NSD1: variants seen among roughly 807,000 people sequenced by gnomAD.
NSD1 encodes histone-lysine N-methyltransferase, H3 lysine-36 specific.
In NSD1, 26 loss-of-function variants were observed where a neutral mutation model predicts 242.7. The observed-to-expected ratio is 0.11, with a 90% confidence interval of 0.08 to 0.15. NSD1 has a LOEUF of 0.15. NSD1 is among the 10% of genes least tolerant of loss of function. The pLI, the probability that NSD1 is intolerant of heterozygous loss-of-function variation, is 1.00. For missense variants in NSD1, 2,495 were observed against 3,272.8 expected (o/e 0.76, Z 5.80); for synonymous variants, 1,106 against 1,178.1 (o/e 0.94, Z 1.25).
chr5:177,174,914 C>T (rs1760060694), intron 2 of NSD1, among the ~76,000 whole-genome samples: 1 of 147,684 alleles, frequency 6.8e-6, no homozygotes, highest in Admixed American at 6.8e-5. Flanking sequence ...CTCTGTCACC[C>T]AGGCTGGAGT....
intron 3 of NSD1, among the ~76,000 whole-genome samples, chr5:177,192,417 A>T (rs1761767518): frequency 6.6e-6 from 1 of 150,546 alleles, no homozygotes; most frequent in African/African-American, 2.4e-5. Flanking sequence ...TTTATTTGAG[A>T]TGGAGTTTTG....
chr5:177,202,021 A>T (rs1247417732), intron 3 of NSD1, among the ~76,000 whole-genome samples: 1 of 151,998 alleles, frequency 6.6e-6, no homozygotes. Context: ...ACAAAAAATT[A>T]GTTGGGCGTG....
At chr5:177,266,341 G>A in intron 14 of NSD1, 1 of 710,736 alleles carries the variant, frequency 1.4e-6, no homozygotes, top group East Asian at 3.0e-5. Flanking sequence ...TGGAACACTC[G>A]ATGCCGATGA....
At chr5:177,178,855 G>C (rs1760424303) in intron 2 of NSD1, among the ~76,000 whole-genome samples, 3 of 152,176 alleles carry the variant, frequency 2.0e-5, no homozygotes, top group Non-Finnish European at 4.4e-5. Context: ...TAAGATTATT[G>C]CCTCTGCTGT....
At chr5:177,144,583 T>C (rs1757082526) in intron 2 of NSD1, among the ~76,000 whole-genome samples, 1 of 152,200 alleles carries the variant, frequency 6.6e-6, no homozygotes, top group South Asian at 2.1e-4. Context: ...TATTACATTG[T>C]TGCTTTTTGC....
rs746919161 is a variant in NSD1, at chr5:177,260,177, T to C, written c.5146+9T>C. On this transcript the variant is annotated intron_variant, in intron 14 of 22. Transcript: ENST00000439151. Reference sequence around the variant, plus strand: ...CTTTGTGTGCTCAGAAGGTAAGAAATCATTTCTTCCTCTATTTGTAGTCTA... The same window carrying C: ...CTTTGTGTGCTCAGAAGGTAAGAAACCATTTCTTCCTCTATTTGTAGTCTA... 1 of 1,613,232 alleles carries C rather than the reference T, an allele frequency of 6.2e-7. No homozygotes were observed. The highest frequency in any genetic ancestry group is 2.2e-5 in the East Asian group (1 of 44,896).
chr5:177,170,130 C>T (rs1350400664), intron 2 of NSD1, among the ~76,000 whole-genome samples: 4 of 151,552 alleles, frequency 2.6e-5, no homozygotes, highest in Admixed American at 1.3e-4. Flanking sequence ...CCACCACGCC[C>T]GGCTAATTTT....
intron 5 of NSD1, chr5:177,229,657 G>T: frequency 3.5e-6 from 1 of 284,056 alleles, no homozygotes; most frequent in South Asian, 2.7e-5. Context: ...TGCTGTAACT[G>T]GGAGAGAACA....
intron 12 of NSD1, among the ~76,000 whole-genome samples, chr5:177,253,369 G>A (rs1476694268): frequency 6.6e-6 from 1 of 152,106 alleles, no homozygotes; most frequent in African/African-American, 2.4e-5. Context: ...ATAAATTTTG[G>A]TATGTGTATA....
intron 16 of NSD1, among the ~76,000 whole-genome samples, chr5:177,270,813 C>T (rs1757888669): frequency 6.6e-6 from 1 of 152,172 alleles, no homozygotes; most frequent in African/African-American, 2.4e-5. Context: ...TTCTGTTTGC[C>T]ACATGTTATT....
chr5:177,160,054 T>A (rs1405314863), intron 2 of NSD1, among the ~76,000 whole-genome samples: 5 of 151,978 alleles, frequency 3.3e-5, no homozygotes, highest in African/African-American at 1.2e-4. Flanking sequence ...CATGCCTGAA[T>A]AATTTTTTTG....
intron 5 of NSD1, among the ~76,000 whole-genome samples, chr5:177,219,817 C>T (rs1379193633): frequency 1.3e-5 from 2 of 152,132 alleles, no homozygotes; most frequent in Non-Finnish European, 2.9e-5. Context: ...CAAAAACTAG[C>T]TGGGCATGGT....
intron 2 of NSD1, among the ~76,000 whole-genome samples, chr5:177,176,872 A>G (rs896708819): frequency 1.3e-5 from 2 of 152,106 alleles, no homozygotes; most frequent in African/African-American, 4.8e-5. Flanking sequence ...GCAGATATCC[A>G]TTTCTTGGGG....
At chr5:177,170,465 C>G (rs1296634254) in intron 2 of NSD1, among the ~76,000 whole-genome samples, 1 of 151,768 alleles carries the variant, frequency 6.6e-6, no homozygotes, top group African/African-American at 2.4e-5. Flanking sequence ...ATTCTCCTGC[C>G]TCAGCCTCCT....
intron 2 of NSD1, among the ~76,000 whole-genome samples, chr5:177,160,743 G>A (rs1049507768): frequency 1.3e-5 from 2 of 151,922 alleles, no homozygotes; most frequent in African/African-American, 4.8e-5. Context: ...TTTTTGAGTT[G>A]CCTACTATGT....
chr5:177,227,452 ATATTAT>A (rs1278694586), intron 5 of NSD1, among the ~76,000 whole-genome samples: 1 of 152,010 alleles, frequency 6.6e-6, no homozygotes, highest in Admixed American at 6.6e-5. Flanking sequence ...TATGAGTTAA[ATATTAT>A]TATTATTATT....
chr5:177,151,772 G>A (rs1202797541), intron 2 of NSD1, among the ~76,000 whole-genome samples: 1 of 151,646 alleles, frequency 6.6e-6, no homozygotes, highest in African/African-American at 2.4e-5. Context: ...ACTCACTGCA[G>A]CCTCAACCTC....
At chr5:177,195,191 T>C (rs1267372306) in intron 3 of NSD1, among the ~76,000 whole-genome samples, 1 of 151,806 alleles carries the variant, frequency 6.6e-6, no homozygotes, top group Non-Finnish European at 1.5e-5. Context: ...TGTTAAAAAT[T>C]TAATACCTTG....
At chr5:177,245,960 TA>T (rs1258033437) in intron 9 of NSD1, among the ~76,000 whole-genome samples, 1 of 47,498 alleles carries the variant, frequency 2.1e-5, no homozygotes, top group East Asian at 2.6e-4. Context: ...TTAATCCTTT[TA>T]TTTTTTTTAT....
Sources: gnomAD v4.1 joint callset for allele counts (sites outside exome capture counted in the v4.1 genomes callset) on GRCh38, gnomAD v4.1.1 for gene constraint, MANE v1.5 for transcripts, NCBI Gene and HGNC (gene_info 2026-07-23, HGNC 2026-07-21) for gene names.